Variants in FBXL13 observed in about 807,000 individuals in gnomAD.
The protein encoded by FBXL13 is F-box and leucine-rich repeat protein 13.
A neutral mutation model predicts 83.6 loss-of-function variants in FBXL13; 67 were observed. That is an observed-to-expected ratio of 0.80 (90% CI 0.66 to 0.98). The LOEUF (loss-of-function observed/expected upper bound fraction) is 0.98. FBXL13 is among the 50% of genes least tolerant of loss of function. The pLI is 0.00. For synonymous variants in FBXL13, 272 were observed against 299.5 expected (o/e 0.91, Z 0.95); for missense variants, 822 against 866.5 (o/e 0.95, Z 0.64).
chr7:102,907,117 C>T (rs1428045012), intron 11 of FBXL13, among the ~76,000 whole-genome samples: 1 of 152,098 alleles, frequency 6.6e-6, no homozygotes, highest in Non-Finnish European at 1.5e-5. Flanking sequence ...GGATTACAGG[C>T]ACCCACCACC....
intron 8 of FBXL13, chr7:102,944,102 CA>C: frequency 1.2e-6 from 1 of 866,462 alleles, no homozygotes; most frequent in Non-Finnish European, 1.7e-6. Context: ...TCTTTATTTT[CA>C]AAGGGGAAAA....
intron 17 of FBXL13, among the ~76,000 whole-genome samples, chr7:102,842,545 T>C (rs994541564): frequency 6.6e-6 from 1 of 152,242 alleles, no homozygotes; most frequent in Non-Finnish European, 1.5e-5. Flanking sequence ...TTAGAAAGTT[T>C]AGTGATTCAA....
intron 18 of FBXL13, among the ~76,000 whole-genome samples, chr7:102,828,436 C>G (rs1476999906): frequency 6.6e-6 from 1 of 152,136 alleles, no homozygotes; most frequent in Non-Finnish European, 1.5e-5. Flanking sequence ...GAAAGAATTT[C>G]CAAACATGTT....
intron 2 of FBXL13, among the ~76,000 whole-genome samples, chr7:103,039,098 T>C (rs546214014): frequency 6.6e-6 from 1 of 152,278 alleles, no homozygotes; most frequent in South Asian, 2.1e-4. Context: ...AATGGCTAAC[T>C]AGAATGAATA....
intron 17 of FBXL13, among the ~76,000 whole-genome samples, chr7:102,845,733 A>G (rs1803823919): frequency 6.6e-6 from 1 of 152,152 alleles, no homozygotes; most frequent in African/African-American, 2.4e-5. Flanking sequence ...CCTGGACTAT[A>G]ACAAAAACCT....
At chr7:103,036,641 A>G (rs564972288) in intron 2 of FBXL13, among the ~76,000 whole-genome samples, 1 of 152,256 alleles carries the variant, frequency 6.6e-6, no homozygotes, top group East Asian at 1.9e-4. Flanking sequence ...TCTCCTCAGT[A>G]ACTGGGATTA....
intron 6 of FBXL13, among the ~76,000 whole-genome samples, chr7:103,008,441 C>T (rs2129486231): frequency 6.6e-6 from 1 of 152,302 alleles, no homozygotes; most frequent in Non-Finnish European, 1.5e-5. Context: ...TGGCATCATG[C>T]TGGCAACTTA....
chr7:103,003,359 C>T (rs1790638808), intron 6 of FBXL13, among the ~76,000 whole-genome samples: 1 of 138,972 alleles, frequency 7.2e-6, no homozygotes, highest in Non-Finnish European at 1.5e-5. Context: ...GTGATCTCGG[C>T]TCACTGCAAC....
intron 16 of FBXL13, among the ~76,000 whole-genome samples, chr7:102,866,890 G>A (rs572726577): frequency 2.8e-4 from 43 of 152,314 alleles, no homozygotes; most frequent in Non-Finnish European, 4.1e-4. Flanking sequence ...TCCTGTCTCT[G>A]CTCTTGGGAA....
chr7:102,928,503 T>C (rs1228726788), intron 9 of FBXL13, among the ~76,000 whole-genome samples: 1 of 152,174 alleles, frequency 6.6e-6, no homozygotes, highest in Non-Finnish European at 1.5e-5. Flanking sequence ...AATAGTAAAA[T>C]GTAGCTGGAT....
At chr7:103,024,135 A>AGAG (rs1793552982) in intron 6 of FBXL13, among the ~76,000 whole-genome samples, 2 of 96,584 alleles carry the variant, frequency 2.1e-5, no homozygotes, top group Non-Finnish European at 2.2e-5. Flanking sequence ...AAAAGTTAAA[A>AGAG]AGAGAGAGAG....
In FBXL13 at chr7:102,963,547, G is replaced by A. The variant is rs1187502229; in HGVS notation, c.710C>T (p.Thr237Ile). 1.9e-6 allele frequency: 3 copies of A among 1,612,136 alleles called. No individual in the cohort carries two copies. The highest frequency in any genetic ancestry group is 1.7e-5 in the Admixed American group (1 of 59,578). Residue 237 changes from threonine to isoleucine, a missense_variant, in exon 8 of 20, where the codon ACT becomes ATT. Coordinates refer to ENST00000313221, the Ensembl canonical transcript of FBXL13. ...AACATACTTACTGACAGATCTGAAAGTTTTGGGTCGGAGAAGACAACCACG... is the reference window on the plus strand; with the variant it reads ...AACATACTTACTGACAGATCTGAAAATTTTGGGTCGGAGAAGACAACCACG...
chr7:102,861,874 C>T (rs1016159886), intron 16 of FBXL13, among the ~76,000 whole-genome samples: 17 of 150,698 alleles, frequency 1.1e-4, no homozygotes, highest in South Asian at 2.1e-4. Flanking sequence ...CCCGGCTACT[C>T]GGGAGGATGA....
chr7:103,072,282 T>C (rs1272834638), intron 1 of FBXL13, among the ~76,000 whole-genome samples: 1 of 152,142 alleles, frequency 6.6e-6, no homozygotes, highest in Admixed American at 6.6e-5. Flanking sequence ...TGATATTCTC[T>C]TAGAAGAAAT....
downstream of FBXL13, among the ~76,000 whole-genome samples, chr7:102,811,972 C>A (rs781526698): frequency 2.0e-5 from 3 of 152,158 alleles, no homozygotes; most frequent in Non-Finnish European, 2.9e-5. Flanking sequence ...ATACTTTGTA[C>A]AATCTTTTTA....
intron 17 of FBXL13, chr7:102,834,457 A>T (rs985642462): frequency 1.0e-4 from 5 of 49,810 alleles, no homozygotes; most frequent in African/African-American, 1.8e-4. Context: ...ATATGTGATT[A>T]TATATATATA....
At chr7:103,047,968 T>C (rs1796443136) in intron 2 of FBXL13, among the ~76,000 whole-genome samples, 1 of 152,220 alleles carries the variant, frequency 6.6e-6, no homozygotes, top group South Asian at 2.1e-4. Flanking sequence ...AGTGTTGGGA[T>C]TACAGGCATG....
chr7:102,836,155 T>C (rs12670723), intron 17 of FBXL13, among the ~76,000 whole-genome samples: 7,135 of 152,280 alleles, frequency 0.047, 250 homozygotes, highest in East Asian at 0.12. Flanking sequence ...AAAGCTCTAA[T>C]ATTCTTTAAA....
intron 6 of FBXL13, among the ~76,000 whole-genome samples, chr7:102,982,097 A>G (rs1828320485): frequency 6.6e-6 from 1 of 151,962 alleles, no homozygotes; most frequent in Non-Finnish European, 1.5e-5. Context: ...TCTCCTTGAT[A>G]GTTAGGGTCA....
Sources: gnomAD v4.1 joint callset for allele counts (sites outside exome capture counted in the v4.1 genomes callset) on GRCh38, gnomAD v4.1.1 for gene constraint, MANE v1.5 for transcripts, NCBI Gene and HGNC (gene_info 2026-07-23, HGNC 2026-07-21) for gene names.